The following TPTE variants were observed in gnomAD, a reference collection of about 807,000 sequenced individuals.
TPTE encodes the protein putative tyrosine-protein phosphatase TPTE.
In TPTE, 59 loss-of-function variants were observed where a neutral mutation model predicts 84.1. The observed-to-expected ratio is 0.70, with a 90% CI of 0.57 to 0.87. The LOEUF is 0.87. TPTE is among the 40% of genes least tolerant of loss of function. The pLI is 0.00. For synonymous variants in TPTE, 130 were observed against 223.5 expected (o/e 0.58, Z 3.73); for missense variants, 382 against 659.6 (o/e 0.58, Z 4.61).
At position 10,605,623 on chromosome 21, in the gene TPTE, T is replaced by C. The variant is rs1979217004; in HGVS notation, c.*71T>C. On this transcript the variant is annotated 3_prime_UTR_variant, in exon 24 of 24. Transcript: ENST00000618007. ...AACCCTGCCACATGTTCATATATCC[T>C]AAATCTATCCTAAATGTTCCTTGAA... The C allele has an allele frequency of 6.2e-7, 1 of 1,607,246 alleles. No homozygotes were observed. Among genetic ancestry groups the C allele is most frequent in the Admixed American group, 1.7e-5 (1 of 58,516 alleles).
intron 23 of TPTE, 27 bp from the exon 24 acceptor site, chr21:10,605,390 A>G (rs1361049147): frequency 1.2e-6 from 2 of 1,610,866 alleles, no homozygotes; most frequent in African/African-American, 1.3e-5. Flanking sequence ...CCCAATATAA[A>G]ATGTAATAAT....
At chr21:10,523,720 C>G (rs11184146) in intron 1 of TPTE, among the ~76,000 whole-genome samples, 2,088 of 151,358 alleles carry the variant, frequency 0.014, no homozygotes, top group Non-Finnish European at 0.02. Flanking sequence ...GGGTTGGTTC[C>G]AAGTCTTTGC....
At chr21:10,523,404 C>A (rs1414064098) in intron 1 of TPTE, among the ~76,000 whole-genome samples, 1 of 152,136 alleles carries the variant, frequency 6.6e-6, no homozygotes, top group African/African-American at 2.4e-5. Flanking sequence ...CACCCACAAA[C>A]TCCTCATCTA....
chr21:10,582,326 C>G (rs2075285831), intron 17 of TPTE, among the ~76,000 whole-genome samples: 1 of 152,310 alleles, frequency 6.6e-6, no homozygotes, highest in African/African-American at 2.4e-5. Flanking sequence ...TACCAAGTTT[C>G]TATAAATTTT....
chr21:10,558,442 A>G (rs1225078017), intron 8 of TPTE, among the ~76,000 whole-genome samples: 3 of 152,308 alleles, frequency 2.0e-5, no homozygotes, highest in African/African-American at 7.2e-5. Context: ...AGTAATAGCC[A>G]TTCTGACTGG....
chr21:10,580,524 G>A (rs2075253234), intron 17 of TPTE, among the ~76,000 whole-genome samples: 1 of 152,308 alleles, frequency 6.6e-6, no homozygotes, highest in African/African-American at 2.4e-5. Flanking sequence ...GTTGATTTTT[G>A]TATATTGGGT....
intron 8 of TPTE, among the ~76,000 whole-genome samples, chr21:10,557,902 C>CT (rs2074714945): frequency 6.6e-6 from 1 of 152,304 alleles, no homozygotes; most frequent in African/African-American, 2.4e-5. Flanking sequence ...TCCTCTCTCT[C>CT]CTCCTGCCCT....
At chr21:10,528,497 A>C (rs1217071783) in intron 3 of TPTE, among the ~76,000 whole-genome samples, 2 of 152,308 alleles carry the variant, frequency 1.3e-5, no homozygotes, top group African/African-American at 4.8e-5. Flanking sequence ...TTGTTGTTCA[A>C]ATAAGTTGGT....
intron 4 of TPTE, among the ~76,000 whole-genome samples, chr21:10,540,183 G>C (rs1336765760): frequency 6.6e-6 from 1 of 152,312 alleles, no homozygotes; most frequent in Non-Finnish European, 1.5e-5. Context: ...TAGTAGGCTG[G>C]CCAATGCACC....
intron 3 of TPTE, among the ~76,000 whole-genome samples, chr21:10,532,590 C>A (rs1412581837): frequency 6.6e-6 from 1 of 152,304 alleles, no homozygotes; most frequent in African/African-American, 2.4e-5. Context: ...AATGTGTACT[C>A]TTTGCTTTTA....
intron 3 of TPTE, among the ~76,000 whole-genome samples, chr21:10,534,720 G>A (rs148665504): frequency 6.8e-4 from 103 of 152,376 alleles, no homozygotes; most frequent in Non-Finnish European, 1.0e-4. Context: ...TAACTATAGA[G>A]TTTCTTGGAC....
chr21:10,536,201 C>G (rs1368643034), intron 3 of TPTE, among the ~76,000 whole-genome samples: 1 of 152,308 alleles, frequency 6.6e-6, no homozygotes, highest in African/African-American at 2.4e-5. Context: ...TTGCTTGAAC[C>G]TGGGAGGTGG....
At chr21:10,577,576 T>A in intron 15 of TPTE, 56 bp downstream of exon 15, 1 of 1,611,832 alleles carries the variant, frequency 6.2e-7, no homozygotes, top group Non-Finnish European at 8.5e-7. Context: ...TTACTGCACG[T>A]AAGAAGATGA....
chr21:10,524,404 G>A (rs1324498503), intron 1 of TPTE, among the ~76,000 whole-genome samples, 176 bp from the exon 2 acceptor site: 4 of 152,306 alleles, frequency 2.6e-5, no homozygotes, highest in African/African-American at 4.8e-5. Flanking sequence ...GGGACAACCC[G>A]TGGGTGTAAG....
intron 7 of TPTE, among the ~76,000 whole-genome samples, chr21:10,544,561 T>A (rs1433928717): frequency 6.6e-6 from 1 of 152,310 alleles, no homozygotes; most frequent in Non-Finnish European, 1.5e-5. Context: ...ATTTTTTGTA[T>A]TTTTGGTAGG....
intron 10 of TPTE, among the ~76,000 whole-genome samples, chr21:10,563,588 TATAAG>T (rs1220109539): frequency 6.6e-6 from 1 of 152,426 alleles, no homozygotes; most frequent in Middle Eastern, 3.4e-3. Flanking sequence ...AATAATGGAT[TATAAG>T]ATAGTATTTA....
rs372908691 is a variant in TPTE, at chr21:10,569,769, T to C, written c.730+23T>C. 1.2e-3 allele frequency: 1,981 copies of C among 1,610,176 alleles called. No homozygotes were observed. In the East Asian group the frequency reaches 0.037, roughly 30 times the overall value. On this transcript the variant is annotated intron_variant, in intron 13 of 23. Transcript: ENST00000618007. Reference sequence around the variant, plus strand: ...CAGGTTTGTGACACTTAACCGTTGATTTACTTGTATTACTTCACTTTTTCT... The same window carrying C: ...CAGGTTTGTGACACTTAACCGTTGACTTACTTGTATTACTTCACTTTTTCT...
At position 10,598,179 on chromosome 21, in the gene TPTE, A is replaced by AT; in HGVS notation, c.1356+86dup. The AT allele has an allele frequency of 1.2e-5, 19 of 1,557,246 alleles. No homozygotes were observed. In the South Asian group the frequency reaches 2.0e-4, roughly 17 times the overall value. On this transcript the variant is annotated intron_variant, in intron 21 of 23. Coordinates refer to ENST00000618007, the MANE Select transcript of TPTE (RefSeq NM_199261.4). ...CCAGCAATGTTCACCTCCCTAAACT[A>AT]TCACTCACCATAAAGAGATTCCATA... is the stretch of plus-strand genomic sequence containing the variant.
At chr21:10,575,122 C>T (rs1327376137) in intron 14 of TPTE, among the ~76,000 whole-genome samples, 5 of 152,404 alleles carry the variant, frequency 3.3e-5, no homozygotes, top group African/African-American at 4.8e-5. Context: ...GGGGAGGTGG[C>T]GAGAGGCAGC....
Sources: allele counts gnomAD v4.1 joint callset (sites outside exome capture counted in the v4.1 genomes callset), GRCh38; gene constraint gnomAD v4.1.1; transcripts MANE v1.5; gene names NCBI Gene and HGNC (gene_info 2026-07-23, HGNC 2026-07-21).